The following NUP93 variants were observed in gnomAD, a reference collection of about 807,000 sequenced individuals.
NUP93 encodes nucleoporin 93, also known as nuclear pore complex protein Nup93.
A neutral mutation model predicts 107.8 loss-of-function variants in NUP93; 55 were observed. That is an observed-to-expected ratio of 0.51 (90% CI 0.41 to 0.64). NUP93 has a LOEUF of 0.64. Ranked by LOEUF, NUP93 falls within the 30% of genes least tolerant of loss-of-function variation. The probability of loss-of-function intolerance (pLI) is 0.00; values close to 1 mark genes in which losing one functional copy is unlikely to be tolerated. For missense variants in NUP93, 937 were observed against 1,044.7 expected, an observed-to-expected ratio of 0.90 and a Z score of 1.42; for synonymous variants, 390 against 397.5, an observed-to-expected ratio of 0.98 and a Z score of 0.22.
Position 56,831,887 on chromosome 16 carries a change from G to A in NUP93, c.1131G>A (p.Arg377=). ...TENKLRLHYR[R]ALRNNTDPYK... ...ACAAGCTCCGGCTGCATTACCGTAG[G>A]GCCCTCAGGAACAATACAGATCCCT... Residue 377 remains arginine, a synonymous_variant, in exon 11 of 22, where the codon AGG becomes AGA. Transcript: ENST00000308159. 1 of 1,613,920 alleles carries A rather than the reference G, an allele frequency of 6.2e-7. No homozygotes were observed. The highest frequency in any genetic ancestry group is 1.3e-5 in the African/African-American group (1 of 74,958).
At chr16:56,767,033 T>C (rs1479802456) in intron 3 of NUP93, among the ~76,000 whole-genome samples, 1 of 152,354 alleles carries the variant, frequency 6.6e-6, no homozygotes, top group East Asian at 1.9e-4. Flanking sequence ...GCTTCCATCT[T>C]GCACTTCAGA....
At chr16:56,768,035 A>G (rs1435546438) in intron 3 of NUP93, among the ~76,000 whole-genome samples, 2 of 152,242 alleles carry the variant, frequency 1.3e-5, no homozygotes, top group African/African-American at 2.4e-5. Context: ...AGCCCTTTTT[A>G]AAATGGGGTT....
chr16:56,839,321 C>T (rs940808033), intron 19 of NUP93, 200 bp from the exon 20 acceptor site: 67 of 284,228 alleles, frequency 2.4e-4, no homozygotes, highest in African/African-American at 1.6e-3. Flanking sequence ...TTTGCAATCT[C>T]AGAATTTTAA....
chr16:56,820,410 G>A (rs1174401725), intron 6 of NUP93, among the ~76,000 whole-genome samples: 2 of 152,214 alleles, frequency 1.3e-5, no homozygotes, highest in Admixed American at 1.3e-4. Context: ...CTGCCTCCCA[G>A]ATTCAAGTGA....
chr16:56,832,778 AAAG>A (rs1963822727), intron 12 of NUP93, among the ~76,000 whole-genome samples: 1 of 152,206 alleles, frequency 6.6e-6, no homozygotes. Flanking sequence ...ACTGAGAAGA[AAAG>A]AAGATTCCAA....
At chr16:56,828,194 TA>T (rs34184189) in intron 8 of NUP93, among the ~76,000 whole-genome samples, 182 of 113,402 alleles carry the variant, frequency 1.6e-3, no homozygotes, top group Non-Finnish European at 1.3e-3. Flanking sequence ...CCCTGCCTCT[TA>T]AAAAAAAAAA....
chr16:56,833,240 G>A lies in NUP93; in HGVS notation c.1371G>A (p.Gln457=), dbSNP rs1385187774. 3 of 1,598,130 alleles carry A rather than the reference G, an allele frequency of 1.9e-6. No individual in the cohort carries two copies. The highest frequency in any genetic ancestry group is 2.3e-5 in the South Asian group (2 of 88,490). Residue 457 remains glutamine (Q), a synonymous_variant, in exon 13 of 22, where the codon CAG becomes CAA. Transcript: ENST00000308159. ...DYGESHFTVN[Q]QPFLYFQVLF... ...GCGAGTCCCACTTTACGGTGAACCA[G>A]CAACCCTTCCTCTACTTCCAAGTCC... is the stretch of plus-strand genomic sequence containing the variant.
At chr16:56,740,548 A>G (rs1377697575) in intron 1 of NUP93, among the ~76,000 whole-genome samples, 500 of 141,958 alleles carry the variant, frequency 3.5e-3, no homozygotes, top group African/African-American at 0.013. Context: ...CAGACTGGGC[A>G]GCCAGGCAGA....
chr16:56,838,654 C>A (rs564664065), intron 18 of NUP93, among the ~76,000 whole-genome samples: 3 of 152,264 alleles, frequency 2.0e-5, no homozygotes, highest in African/African-American at 7.2e-5. Flanking sequence ...TAACCTTGAA[C>A]TCCTGGGCTC....
At chr16:56,820,823 A>G (rs1850030948) in intron 6 of NUP93, among the ~76,000 whole-genome samples, 1 of 152,174 alleles carries the variant, frequency 6.6e-6, no homozygotes, top group Admixed American at 6.5e-5. Flanking sequence ...TAAGCTCTAA[A>G]TCTTAACTAG....
chr16:56,839,114 C>A, intron 19 of NUP93, 45 bp downstream of exon 19: 2 of 1,322,792 alleles, frequency 1.5e-6, no homozygotes, highest in Admixed American at 1.8e-5. Flanking sequence ...AATGTACACC[C>A]TCGAAAATTC....
At chr16:56,731,948 AC>A (rs1203823069) in intron 1 of NUP93, among the ~76,000 whole-genome samples, 2 of 151,756 alleles carry the variant, frequency 1.3e-5, no homozygotes, top group Non-Finnish European at 2.9e-5. Flanking sequence ...TGATAGACAA[AC>A]CCCTTTACAG....
At chr16:56,818,517 T>C in intron 5 of NUP93, 147 bp from the exon 6 acceptor site, 1 of 640,748 alleles carries the variant, frequency 1.6e-6, no homozygotes, top group Admixed American at 3.0e-5. Context: ...TTGAAATCCC[T>C]AAAATCATCA....
intron 7 of NUP93, 81 bp downstream of exon 7, chr16:56,821,674 G>A (rs1963547357): frequency 1.2e-6 from 1 of 824,420 alleles, no homozygotes; most frequent in Non-Finnish European, 2.1e-6. Flanking sequence ...TGGTTGAAAT[G>A]TGCTGCGGAG....
chr16:56,805,368 T>C (rs1963113372), intron 4 of NUP93, 136 bp from the exon 5 acceptor site: 1 of 921,130 alleles, frequency 1.1e-6, no homozygotes, highest in African/African-American at 1.7e-5. Flanking sequence ...TCAAAGATAA[T>C]TTTTAAAGTA....
Position 56,845,141 on chromosome 16 carries a change from A to C in NUP93, c.*532A>C, listed in dbSNP as rs1964100970. 5.3e-6 allele frequency: 1 copy of C among 189,358 alleles called. No homozygotes were observed. Among genetic ancestry groups the C allele is most frequent in the Non-Finnish European group, 1.1e-5 (1 of 90,460 alleles). The allele number at this position is 189,358 out of a possible 1,614,324, so 11.7% of individuals were successfully genotyped here. ...ACTTAAGTCCAGATGGTCCAAGACC[A>C]TCCCCCAAATCATCAGCTCTGATTG... On this transcript the variant is annotated 3_prime_UTR_variant, in exon 22 of 22. Coordinates refer to ENST00000308159, the MANE Select transcript of NUP93 (RefSeq NM_014669.5).
rs1005461096 is a variant in NUP93 at position 56,737,721 on chromosome 16, T to G, written c.-15+7510T>G. On this transcript the variant is annotated intron_variant, in intron 1 of 21. Coordinates refer to ENST00000308159, the MANE Select transcript of NUP93 (RefSeq NM_014669.5). ...TAGTCTGTAGTTTCTTTTCCATTGCTGTGTGTGGTATACCAAGGTATGAAT... is the reference window on the plus strand; with the variant it reads ...TAGTCTGTAGTTTCTTTTCCATTGCGGTGTGTGGTATACCAAGGTATGAAT... 2.1e-5 allele frequency among the ~76,000 whole-genome samples: 3 copies of G among 140,036 alleles called. No individual in the cohort carries two copies. The East Asian group carries it at 6.7e-4, about 31-fold the overall frequency. The allele number at this position is 140,036 out of a possible 152,430, so 91.9% of individuals were successfully genotyped here.
rs769886888 is a variant in NUP93, at chr16:56,818,657, T to C, written c.490-7T>C. ...CTAACTGATTCTGAATGTGTATTTA[T>C]CCACAGCCAAGCTACATCAGTGATG... On this transcript the variant is annotated splice_region_variant and splice_polypyrimidine_tract_variant and intron_variant, in intron 5 of 21. Transcript: ENST00000308159. The C allele has an allele frequency of 6.2e-7, 1 of 1,613,046 alleles. No individual in the cohort carries two copies. Among genetic ancestry groups the C allele is most frequent in the Non-Finnish European group, 8.5e-7 (1 of 1,179,092 alleles).
chr16:56,732,931 G>T (rs1961557150), intron 1 of NUP93, among the ~76,000 whole-genome samples: 1 of 152,200 alleles, frequency 6.6e-6, no homozygotes. Flanking sequence ...TATGTGTGAT[G>T]AAATAATCAC....
Sources: gnomAD v4.1 joint callset for allele counts (sites outside exome capture counted in the v4.1 genomes callset) on GRCh38, gnomAD v4.1.1 for gene constraint, MANE v1.5 for transcripts, NCBI Gene and HGNC (gene_info 2026-07-23, HGNC 2026-07-21) for gene names.